Variants in LHX4 observed in about 807,000 individuals in gnomAD.
LHX4 encodes LIM homeobox 4.
In LHX4, 16 loss-of-function variants were observed where a neutral mutation model predicts 39.2. The ratio of observed to expected loss-of-function variants is 0.41; its 90% CI spans 0.28 to 0.62. The LOEUF is 0.62. Among genes scored for constraint, LHX4 ranks in the 20% least tolerant of loss-of-function variants. The pLI, the probability that LHX4 is intolerant of heterozygous loss-of-function variation, is 0.33. For synonymous variants in LHX4, 206 were observed against 198.1 expected, an observed-to-expected ratio of 1.04 and a Z score of -0.33; for missense variants, 439 against 511.9, an observed-to-expected ratio of 0.86 and a Z score of 1.37.
upstream of LHX4, among the ~76,000 whole-genome samples, chr1:180,229,654 GGAGCGCGCTCCGT>G (rs1378279597): frequency 2.0e-5 from 3 of 151,704 alleles, no homozygotes; most frequent in Admixed American, 1.3e-4. Flanking sequence ...CATCGGTTAC[GGAGCGCGCTCCGT>G]CCGGCGGAGC....
At position 180,248,195 on chromosome 1, in the gene LHX4, A is replaced by C. The variant is rs943261676; in HGVS notation, c.77-90A>C. 10 of 1,248,722 alleles carry C rather than the reference A, an allele frequency of 8.0e-6. No individual in the cohort carries two copies. The African/African-American group carries it at 1.5e-4, about 19-fold the overall frequency. 77.4% of individuals were successfully genotyped at this position (1,248,722 alleles called of 1,614,324 possible). On this transcript the variant is annotated intron_variant, in intron 1 of 5. Transcript: ENST00000263726. ...TTGGGCCATGTCTGTTTCCACCATC[A>C]GCAGAGTGGGAAGGCACCCGCCAGG...
At chr1:180,252,211 G>A (rs79008224) in intron 2 of LHX4, among the ~76,000 whole-genome samples, 1 of 152,158 alleles carries the variant, frequency 6.6e-6, no homozygotes, top group Non-Finnish European at 1.5e-5. Flanking sequence ...GCACATGGGG[G>A]CACACACACA....
intron 2 of LHX4, among the ~76,000 whole-genome samples, chr1:180,259,632 A>G (rs1354477236): frequency 1.3e-5 from 2 of 151,396 alleles, no homozygotes; most frequent in African/African-American, 4.9e-5. Flanking sequence ...CCCCCGAGGC[A>G]CCATCAGTCC....
intron 5 of LHX4, among the ~76,000 whole-genome samples, chr1:180,272,267 C>G (rs1648717231): frequency 6.6e-6 from 1 of 152,142 alleles, no homozygotes; most frequent in African/African-American, 2.4e-5. Context: ...CTCCCCTCCC[C>G]TCCTGCTGAC....
In LHX4 at chr1:180,274,330, T is replaced by C. The variant is rs146655496; in HGVS notation, c.924T>C (p.Tyr308=). ...SYQDLRDGSP[Y]GIPQSPSSIS... is the part of the protein sequence containing the mutation. Reference sequence around the variant, plus strand: ...AGGACTTGAGGGATGGGAGCCCCTATGGAATCCCCCAGTCTCCATCCTCCA... The same window carrying C: ...AGGACTTGAGGGATGGGAGCCCCTACGGAATCCCCCAGTCTCCATCCTCCA... Residue 308 remains tyrosine, a synonymous_variant, in exon 6 of 6, where the codon TAT becomes TAC. Transcript: ENST00000263726. 3,591 of 1,614,216 alleles carry C rather than the reference T, an allele frequency of 2.2e-3. 11 individuals carry two copies. The highest frequency in any genetic ancestry group is 2.8e-3 in the Non-Finnish European group (3,304 of 1,180,036).
intron 1 of LHX4, among the ~76,000 whole-genome samples, chr1:180,231,468 C>T (rs1476528772): frequency 6.6e-6 from 1 of 151,508 alleles, no homozygotes; most frequent in Non-Finnish European, 1.5e-5. Flanking sequence ...GAGATTTTCC[C>T]GAAGGGAATC....
chr1:180,258,899 G>A (rs1647984609), intron 2 of LHX4, among the ~76,000 whole-genome samples: 1 of 152,116 alleles, frequency 6.6e-6, no homozygotes, highest in Non-Finnish European at 1.5e-5. Context: ...GGGGACGGAT[G>A]CCCAAAGGTT....
chr1:180,259,517 A>G (rs923510093), intron 2 of LHX4, among the ~76,000 whole-genome samples: 19 of 151,308 alleles, frequency 1.3e-4, no homozygotes, highest in Admixed American at 8.5e-4. Context: ...GGAGGTGGGG[A>G]GGGTCCAAGC....
intron 1 of LHX4, among the ~76,000 whole-genome samples, chr1:180,246,926 A>G (rs1381593884): frequency 1.3e-5 from 2 of 152,204 alleles, no homozygotes; most frequent in African/African-American, 4.8e-5. Context: ...GACCGTTTAG[A>G]CAAACAACGA....
chr1:180,249,942 TTG>T (rs966099633), intron 2 of LHX4, among the ~76,000 whole-genome samples: 1 of 151,368 alleles, frequency 6.6e-6, no homozygotes, highest in African/African-American at 2.4e-5. Flanking sequence ...TGGGTGAGTG[TTG>T]TGTGAGTGTG....
Position 180,278,016 on chromosome 1 carries a change from T to C in LHX4, c.*3437T>C, listed in dbSNP as rs200798110. 15 of 152,324 alleles carry C rather than the reference T, an allele frequency of 9.8e-5. No individual in the cohort carries two copies. Among genetic ancestry groups the C allele is most frequent in the African/African-American group, 3.6e-4 (15 of 41,572 alleles). 9.4% of individuals were successfully genotyped at this position (152,324 alleles called of 1,614,324 possible). On this transcript the variant is annotated 3_prime_UTR_variant, in exon 6 of 6. Transcript: ENST00000263726. ...CTATCTCAGAAGCTCAAACTGGTGA[T>C]TTCCAACTGCCTCTTTACAGGAGGG... is the stretch of plus-strand genomic sequence containing the variant.
At chr1:180,228,960 G>A (rs1664088548), upstream of LHX4, among the ~76,000 whole-genome samples, 2 of 152,202 alleles carry the variant, frequency 1.3e-5, no homozygotes, top group Non-Finnish European at 2.9e-5. Context: ...CTGGGGGCAG[G>A]AGAGCGGCTG....
rs1408857718 is a variant in LHX4, at chr1:180,278,014, G to C, written c.*3435G>C. The C allele has an allele frequency of 6.6e-6, 1 of 152,170 alleles. No homozygotes were observed. Among genetic ancestry groups the C allele is most frequent in the East Asian group, 1.9e-4 (1 of 5,198 alleles). 9.4% of individuals were successfully genotyped at this position (152,170 alleles called of 1,614,324 possible). The stretch of plus-strand genomic sequence containing the variant: ...TCCTATCTCAGAAGCTCAAACTGGT[G>C]ATTTCCAACTGCCTCTTTACAGGAG... On this transcript the variant is annotated 3_prime_UTR_variant, in exon 6 of 6. Coordinates refer to ENST00000263726, the MANE Select transcript of LHX4 (RefSeq NM_033343.4).
intron 1 of LHX4, among the ~76,000 whole-genome samples, chr1:180,239,163 A>C (rs774951996): frequency 3.3e-5 from 5 of 152,250 alleles, no homozygotes; most frequent in Non-Finnish European, 5.9e-5. Context: ...GGTGTGCCAC[A>C]GCTTGGTATA....
At chr1:180,260,428 G>A (rs970017591) in intron 2 of LHX4, among the ~76,000 whole-genome samples, 1 of 151,730 alleles carries the variant, frequency 6.6e-6, no homozygotes, top group Non-Finnish European at 1.5e-5. Flanking sequence ...CCTCAAGCCT[G>A]TCTTGCACTG....
chr1:180,232,131 A>G lies in LHX4; in HGVS notation c.76+1526A>G, dbSNP rs1664198244. On this transcript the variant is annotated intron_variant, in intron 1 of 5. Coordinates refer to ENST00000263726, the MANE Select transcript of LHX4 (RefSeq NM_033343.4). This position sits in a 1 kb window ranked among gnomAD's most constrained non-coding sequence, Gnocchi z 5.4. ...GGTTCTCAGCCCCTGCAAAGACGGAAACAGAAACCCTGCAAAGGTGCACCG... is the reference window on the plus strand; with the variant it reads ...GGTTCTCAGCCCCTGCAAAGACGGAGACAGAAACCCTGCAAAGGTGCACCG... 6.6e-6 allele frequency among the ~76,000 whole-genome samples: 1 copy of G among 152,152 alleles called. No individual in the cohort carries two copies.
At chr1:180,273,951 T>G (rs1396034089) in intron 5 of LHX4, 1 of 569,058 alleles carries the variant, frequency 1.8e-6, no homozygotes, top group African/African-American at 1.9e-5. Flanking sequence ...CATTTGTCCA[T>G]CCTTCTGGGA....
At position 180,245,823 on chromosome 1, in the gene LHX4, G is replaced by C. The variant is rs75898070; in HGVS notation, c.77-2462G>C. On this transcript the variant is annotated intron_variant, in intron 1 of 5. Transcript: ENST00000263726. ...TTTCCAATTTAAAAAGCAGAGCCAG[G>C]ATCCAAACCCAGGCAGCTGAGCTCC... Among the ~76,000 whole-genome samples, 605 of 152,240 alleles carry C rather than the reference G, an allele frequency of 4.0e-3. 4 individuals are homozygous for C. Among genetic ancestry groups the C allele is most frequent in the African/African-American group, 0.013 (558 of 41,528 alleles).
Position 180,271,361 on chromosome 1 carries a change from C to T in LHX4, c.452-19C>T, listed in dbSNP as rs1208591473. The stretch of plus-strand genomic sequence containing the variant: ...CTGCAGATAGGCCGAAGCCAGTAAG[C>T]AGTGGTTTTTCCTTGCAGATGACTC... On this transcript the variant is annotated intron_variant, in intron 3 of 5. Coordinates refer to ENST00000263726, the MANE Select transcript of LHX4 (RefSeq NM_033343.4). 4.3e-6 allele frequency: 7 copies of T among 1,614,106 alleles called. No homozygotes were observed. The highest frequency in any genetic ancestry group is 2.2e-5 in the East Asian group (1 of 44,878).
Sources: allele counts gnomAD v4.1 joint callset (sites outside exome capture counted in the v4.1 genomes callset), GRCh38; gene constraint gnomAD v4.1.1; non-coding constraint Gnocchi (gnomAD v3.1); transcripts MANE v1.5; gene names NCBI Gene and HGNC (gene_info 2026-07-23, HGNC 2026-07-21).